NALCN: variants seen among roughly 807,000 people sequenced by gnomAD.
The protein encoded by NALCN is sodium leak channel NALCN.
In NALCN, 111 loss-of-function variants were observed where a neutral mutation model predicts 225.3. The ratio of observed to expected loss-of-function variants is 0.49; its 90% CI spans 0.42 to 0.58. The LOEUF (loss-of-function observed/expected upper bound fraction) is 0.58. Ranked by LOEUF, NALCN falls within the 20% of genes least tolerant of loss-of-function variation. The pLI is 0.00. For synonymous variants in NALCN, 764 were observed against 769.0 expected, an observed-to-expected ratio of 0.99 and a Z score of 0.11; for missense variants, 1,378 against 2,202.4, an observed-to-expected ratio of 0.63 and a Z score of 7.49.
At chr13:101,408,292 G>A (rs749038467) in intron 1 of NALCN, among the ~76,000 whole-genome samples, 1 of 151,964 alleles carries the variant, frequency 6.6e-6, no homozygotes, top group African/African-American at 2.4e-5. Context: ...CAGTCCTTCC[G>A]GGCCCTCTCA....
At chr13:101,131,524 C>A (rs532147701) in intron 17 of NALCN, among the ~76,000 whole-genome samples, 8 of 152,108 alleles carry the variant, frequency 5.3e-5, no homozygotes, top group Non-Finnish European at 1.2e-4. Flanking sequence ...TCCTCCTCCC[C>A]CCACAAATTT....
At chr13:101,086,066 T>C (rs1294580374) in intron 30 of NALCN, among the ~76,000 whole-genome samples, 1 of 152,162 alleles carries the variant, frequency 6.6e-6, no homozygotes, top group Non-Finnish European at 1.5e-5. Flanking sequence ...TTTCATGTTT[T>C]TATTTTTGTT....
intron 11 of NALCN, among the ~76,000 whole-genome samples, chr13:101,254,163 G>A (rs534672757): frequency 3.3e-5 from 5 of 151,606 alleles, no homozygotes; most frequent in South Asian, 2.1e-4. Context: ...TGGATGGATC[G>A]CTCGAGCCCA....
chr13:101,168,498 G>A (rs936520467), intron 15 of NALCN, among the ~76,000 whole-genome samples: 1 of 152,074 alleles, frequency 6.6e-6, no homozygotes, highest in Admixed American at 6.6e-5. Context: ...CTAGAAATCT[G>A]GGTGACATCC....
At chr13:101,147,000 G>A (rs145538141) in intron 15 of NALCN, among the ~76,000 whole-genome samples, 1 of 152,252 alleles carries the variant, frequency 6.6e-6, no homozygotes, top group African/African-American at 2.4e-5. Flanking sequence ...AGACACACGT[G>A]GTCAGAAGAG....
intron 13 of NALCN, among the ~76,000 whole-genome samples, chr13:101,221,627 T>C (rs2040944683): frequency 6.6e-6 from 1 of 152,134 alleles, no homozygotes; most frequent in South Asian, 2.1e-4. Context: ...ATGTGGACAG[T>C]TTACTCCTTT....
chr13:101,365,541 G>A (rs2046357326), intron 6 of NALCN, among the ~76,000 whole-genome samples: 1 of 151,564 alleles, frequency 6.6e-6, no homozygotes, highest in Non-Finnish European at 1.5e-5. Flanking sequence ...TTTAATAAAT[G>A]TAAAATGTAT....
At chr13:101,272,988 C>G (rs2042847084) in intron 10 of NALCN, among the ~76,000 whole-genome samples, 1 of 152,236 alleles carries the variant, frequency 6.6e-6, no homozygotes, top group Non-Finnish European at 1.5e-5. Flanking sequence ...GACCTACTTT[C>G]AGCAAGCACC....
At chr13:101,116,630 A>G (rs769459570) in intron 18 of NALCN, 17 of 460,222 alleles carry the variant, frequency 3.7e-5, no homozygotes, top group African/African-American at 3.4e-4. Flanking sequence ...TCTTCAAATT[A>G]TTTTCACTCA....
At chr13:101,139,738 G>A (rs571055580) in intron 17 of NALCN, among the ~76,000 whole-genome samples, 4 of 152,114 alleles carry the variant, frequency 2.6e-5, no homozygotes, top group Non-Finnish European at 4.4e-5. Context: ...AACTAATGGT[G>A]GTAGGGTCTG....
At chr13:101,158,876 A>G (rs933257707) in intron 15 of NALCN, among the ~76,000 whole-genome samples, 7 of 151,956 alleles carry the variant, frequency 4.6e-5, no homozygotes, top group African/African-American at 1.7e-4. Context: ...CTCCCACAGC[A>G]CTCTCCTTAT....
chr13:101,234,475 G>A (rs1446294782), intron 12 of NALCN, among the ~76,000 whole-genome samples: 6 of 152,190 alleles, frequency 3.9e-5, no homozygotes, highest in Admixed American at 3.9e-4. Context: ...AGTAAAGAAA[G>A]GTTGATTGAA....
intron 15 of NALCN, among the ~76,000 whole-genome samples, chr13:101,171,738 C>T (rs1426322887): frequency 1.3e-5 from 2 of 152,058 alleles, no homozygotes; most frequent in African/African-American, 2.4e-5. Context: ...CTTGGAGAGG[C>T]GGTGATGGGA....
At chr13:101,345,922 C>T (rs980233825) in intron 6 of NALCN, among the ~76,000 whole-genome samples, 4 of 146,600 alleles carry the variant, frequency 2.7e-5, no homozygotes, top group East Asian at 2.0e-4. Context: ...AAGACTGAAG[C>T]GAAGATGGAT....
chr13:101,057,827 A>AAAC lies in NALCN; in HGVS notation c.5023+109_5023+111dup, dbSNP rs1387320085. On this transcript the variant is annotated intron_variant, in intron 43 of 43. Transcript: ENST00000251127. Reference sequence around the variant, plus strand: ...CATTTTTCATTATGTTGCTGTCTGTAAACAACTGTAGATGCAGACTTGCAT... The same window carrying AAAC: ...CATTTTTCATTATGTTGCTGTCTGTAAACAACAACTGTAGATGCAGACTTGCAT... The AAAC allele has an allele frequency of 9.5e-6, 8 of 843,250 alleles. No homozygotes were observed. In the African/African-American group the frequency reaches 1.2e-4, roughly 12 times the overall value. The allele number at this position is 843,250 out of a possible 1,614,324, so 52.2% of individuals were successfully genotyped here. A position where few individuals can be genotyped will look rare whatever the true frequency, so the allele number is the denominator to read the frequency against.
chr13:101,226,609 C>G (rs1270921387), intron 13 of NALCN, among the ~76,000 whole-genome samples: 1 of 152,010 alleles, frequency 6.6e-6, no homozygotes, highest in East Asian at 1.9e-4. Context: ...CTCCCTCCAG[C>G]CTCCGTTCCA....
chr13:101,081,404 G>C, intron 34 of NALCN, 123 bp downstream of exon 34: 1 of 1,379,378 alleles, frequency 7.2e-7, no homozygotes. Context: ...CTGGGCTTTA[G>C]GGAGGTCCAT....
At chr13:101,145,046 C>A in intron 15 of NALCN, 150 bp from the exon 16 acceptor site, 2 of 768,520 alleles carry the variant, frequency 2.6e-6, no homozygotes, top group Non-Finnish European at 3.6e-6. Flanking sequence ...ACCTCTCTTG[C>A]CCGCCATAAA....
intron 18 of NALCN, chr13:101,117,107 C>T: frequency 2.6e-6 from 1 of 389,394 alleles, no homozygotes; most frequent in Non-Finnish European, 5.2e-6. Context: ...TTCATAGCAA[C>T]TGCCAGTTAG....
Sources: allele counts gnomAD v4.1 joint callset (sites outside exome capture counted in the v4.1 genomes callset), GRCh38; gene constraint gnomAD v4.1.1; transcripts MANE v1.5; gene names NCBI Gene and HGNC (gene_info 2026-07-23, HGNC 2026-07-21).